Variants in FOLH1 observed in about 807,000 individuals in gnomAD.
FOLH1 encodes the protein glutamate carboxypeptidase 2.
FOLH1 carries 54 observed loss-of-function variants against 93.9 expected under a neutral mutation model. The observed-to-expected ratio is 0.57, with a 90% CI of 0.46 to 0.72. The LOEUF (loss-of-function observed/expected upper bound fraction) is 0.72. FOLH1 is among the 30% of genes least tolerant of loss of function. FOLH1 has a pLI of 0.00. For missense variants in FOLH1, 571 were observed against 892.5 expected (o/e 0.64, Z 4.59); for synonymous variants, 249 against 303.6 (o/e 0.82, Z 1.87).
Position 49,208,338 on chromosome 11 carries a change from C to G in FOLH1, c.72G>C (p.Gly24=), listed in dbSNP as rs1376075867. The stretch of plus-strand genomic sequence containing the variant: ...AGAAGCCACCCGCCAGCACCAGCGC[C>G]CCAGCGCACAGCCAGCGCGGGCGGC... ...TARRPRWLCA[G]ALVLAGGFFL... Residue 24 remains glycine, a synonymous_variant, in exon 1 of 19, where the codon GGG becomes GGC. Transcript: ENST00000256999. 1 of 1,598,894 alleles carries G rather than the reference C, an allele frequency of 6.3e-7. No homozygotes were observed. The highest frequency in any genetic ancestry group is 1.1e-5 in the South Asian group (1 of 89,238).
intron 7 of FOLH1, among the ~76,000 whole-genome samples, chr11:49,176,588 A>G (rs1436273353): frequency 6.6e-6 from 1 of 152,082 alleles, no homozygotes; most frequent in Non-Finnish European, 1.5e-5. Flanking sequence ...TCACTTCAAC[A>G]TATCTGCCTT....
At chr11:49,207,034 A>G (rs1864053805) in intron 1 of FOLH1, among the ~76,000 whole-genome samples, 1 of 152,242 alleles carries the variant, frequency 6.6e-6, no homozygotes, top group African/African-American at 2.4e-5. Context: ...ACATACATAT[A>G]TACATGCATA....
At chr11:49,186,563 A>C in intron 5 of FOLH1, 81 bp downstream of exon 5, 1 of 1,454,852 alleles carries the variant, frequency 6.9e-7, no homozygotes, top group Non-Finnish European at 9.3e-7. Context: ...TAAAGTTTTA[A>C]GAAAATGATT....
chr11:49,156,892 C>A, intron 14 of FOLH1, 85 bp from the exon 15 acceptor site: 3 of 1,580,862 alleles, frequency 1.9e-6, no homozygotes, highest in Non-Finnish European at 2.6e-6. Flanking sequence ...AAACCCCATT[C>A]TTACTATTAT....
intron 7 of FOLH1, among the ~76,000 whole-genome samples, chr11:49,180,377 T>C (rs1860579100): frequency 6.6e-6 from 1 of 152,184 alleles, no homozygotes; most frequent in Non-Finnish European, 1.5e-5. Context: ...TCAGGGTACA[T>C]GTAAAGAAAA....
In FOLH1 at chr11:49,147,469, A is replaced by G. The variant is rs1159116350; in HGVS notation, c.2064-524T>C. Among the ~76,000 whole-genome samples the G allele has an allele frequency of 2.0e-5, 3 of 152,042 alleles. No individual in the cohort carries two copies. The East Asian group carries it at 5.8e-4, about 29-fold the overall frequency. ...TGGTTTTTTTTTTGTCTTTTTTTAA[A>G]AAGTCACACTACCATGTTAGAATAC... On this transcript the variant is annotated intron_variant, in intron 18 of 18. Transcript: ENST00000256999.
At chr11:49,203,982 G>GT (rs1863564414) in intron 2 of FOLH1, among the ~76,000 whole-genome samples, 1 of 152,214 alleles carries the variant, frequency 6.6e-6, no homozygotes, top group East Asian at 1.9e-4. Context: ...CCAGGGAGAA[G>GT]CAACTTCCTG....
rs1855762041 is a variant in FOLH1, at chr11:49,146,063, CAG to C, written c.*691_*692del. Among the ~76,000 whole-genome samples, 2 of 151,868 alleles carry C rather than the reference CAG, an allele frequency of 1.3e-5. No homozygotes were observed. Among genetic ancestry groups the C allele is most frequent in the South Asian group, 4.2e-4 (2 of 4,818 alleles). ...TGTGTGATAAAATTATAAATAATGA[CAG>C]AGGAAAGATAAATAAACATAAAATT... is the stretch of plus-strand genomic sequence containing the variant. On this transcript the variant is annotated 3_prime_UTR_variant, in exon 19 of 19. Transcript: ENST00000256999.
chr11:49,156,155 A>G (rs1281192356), intron 15 of FOLH1, among the ~76,000 whole-genome samples: 1 of 152,026 alleles, frequency 6.6e-6, no homozygotes, highest in Non-Finnish European at 1.5e-5. Flanking sequence ...ATGCCTCCCC[A>G]GCCATATGAA....
intron 16 of FOLH1, 98 bp from the exon 17 acceptor site, chr11:49,154,025 C>CT: frequency 7.6e-7 from 1 of 1,322,912 alleles, no homozygotes; most frequent in Middle Eastern, 1.9e-4. Flanking sequence ...AAGCCATCAT[C>CT]TTTTGTGTTT....
chr11:49,201,433 AT>A (rs76769598), intron 2 of FOLH1, among the ~76,000 whole-genome samples: 16,103 of 150,842 alleles, frequency 0.11, 1,082 homozygotes, highest in East Asian at 0.17. Flanking sequence ...ATGTATTTTA[AT>A]TTTTTTTATT....
chr11:49,166,340 T>C (rs774156651), intron 12 of FOLH1, among the ~76,000 whole-genome samples: 3 of 152,226 alleles, frequency 2.0e-5, no homozygotes, highest in Non-Finnish European at 4.4e-5. Context: ...AGCTCAACCC[T>C]TCACTAGCTG....
Position 49,160,257 on chromosome 11 carries a change from A to C in FOLH1, c.1441-2214T>G, listed in dbSNP as rs1374704583. ...CTAGTTAGCACTCTATTTTTTATTA[A>C]TTTTTTTCAAAAAATCAGCTCCTGG... is the stretch of plus-strand genomic sequence containing the variant. On this transcript the variant is annotated intron_variant, in intron 13 of 18. Coordinates refer to ENST00000256999, the MANE Select transcript of FOLH1 (RefSeq NM_004476.3). Among the ~76,000 whole-genome samples, 7 of 151,394 alleles carry C rather than the reference A, an allele frequency of 4.6e-5. No individual in the cohort carries two copies. In the South Asian group the frequency reaches 6.3e-4, roughly 14 times the overall value.
At chr11:49,190,766 A>G (rs1295885035) in intron 4 of FOLH1, among the ~76,000 whole-genome samples, 1 of 152,206 alleles carries the variant, frequency 6.6e-6, no homozygotes, top group Non-Finnish European at 1.5e-5. Flanking sequence ...AGAGTCCCAT[A>G]TTTCATATTC....
intron 1 of FOLH1, 108 bp from the exon 2 acceptor site, chr11:49,206,280 C>T (rs751361149): frequency 5.3e-6 from 8 of 1,504,220 alleles, no homozygotes; most frequent in Non-Finnish European, 6.3e-6. Flanking sequence ...TCAATATTAC[C>T]TCTGACATTA....
At chr11:49,201,135 C>G (rs1481815635) in intron 2 of FOLH1, among the ~76,000 whole-genome samples, 2 of 151,608 alleles carry the variant, frequency 1.3e-5, no homozygotes. Flanking sequence ...GATTCTGGTG[C>G]TTTTGATTGT....
At chr11:49,169,012 C>A (rs1858842713) in intron 12 of FOLH1, among the ~76,000 whole-genome samples, 183 bp downstream of exon 12, 1 of 152,144 alleles carries the variant, frequency 6.6e-6, no homozygotes, top group South Asian at 2.1e-4. Flanking sequence ...AAAAGAAACA[C>A]CTGTTCACCT....
intron 13 of FOLH1, among the ~76,000 whole-genome samples, 156 bp from the exon 14 acceptor site, chr11:49,158,199 A>T (rs1364801842): frequency 1.3e-5 from 2 of 152,172 alleles, no homozygotes; most frequent in Non-Finnish European, 2.9e-5. Flanking sequence ...TAAGTTTCTG[A>T]CAAGTGGGAA....
chr11:49,167,584 G>T (rs1858564326), intron 12 of FOLH1, among the ~76,000 whole-genome samples: 1 of 152,192 alleles, frequency 6.6e-6, no homozygotes, highest in Non-Finnish European at 1.5e-5. Context: ...GGAGAACAAT[G>T]TGGATAGACA....
Sources: allele counts gnomAD v4.1 joint callset (sites outside exome capture counted in the v4.1 genomes callset), GRCh38; gene constraint gnomAD v4.1.1; transcripts MANE v1.5; gene names NCBI Gene and HGNC (gene_info 2026-07-23, HGNC 2026-07-21).